The following FSTL4 variants were observed in gnomAD, a reference collection of about 807,000 sequenced individuals.
FSTL4 encodes the protein follistatin like 4, also known as follistatin-related protein 4.
Under a neutral mutation model 78.2 loss-of-function variants are expected in FSTL4, and 28 were observed. That is an observed-to-expected ratio of 0.36 (90% CI 0.27 to 0.49). The LOEUF is 0.49. Among genes scored for constraint, FSTL4 ranks in the 20% least tolerant of loss-of-function variants. The pLI, the probability that FSTL4 is intolerant of heterozygous loss-of-function variation, is 0.98. For synonymous variants in FSTL4, 422 were observed against 440.5 expected (o/e 0.96, Z 0.53); for missense variants, 922 against 1,084.9 (o/e 0.85, Z 2.11).
At chr5:133,251,164 C>G (rs1381055253) in intron 6 of FSTL4, among the ~76,000 whole-genome samples, 1 of 152,226 alleles carries the variant, frequency 6.6e-6, no homozygotes, top group East Asian at 1.9e-4. Flanking sequence ...AAGGCACTAA[C>G]TCTGTAGCAT....
the FSTL4 span, among the ~76,000 whole-genome samples, chr5:133,718,520 T>G: frequency 6.6e-6 from 1 of 152,276 alleles, no homozygotes; most frequent in African/African-American, 2.4e-5. Flanking sequence ...CTTTAGAGTT[T>G]AAATACATAT....
At chr5:133,396,962 GC>G (rs532605856) in intron 4 of FSTL4, among the ~76,000 whole-genome samples, 4 of 152,320 alleles carry the variant, frequency 2.6e-5, no homozygotes, top group Admixed American at 2.6e-4. Flanking sequence ...GGCTGAGGAA[GC>G]TGAAGGGGCC....
intron 4 of FSTL4, among the ~76,000 whole-genome samples, chr5:133,363,685 G>T (rs1755118363): frequency 1.3e-5 from 2 of 152,160 alleles, no homozygotes; most frequent in Admixed American, 1.3e-4. Flanking sequence ...TGGCAATACA[G>T]CCAGGATGAA....
At chr5:133,634,970 C>A in the FSTL4 span, among the ~76,000 whole-genome samples, 1 of 152,050 alleles carries the variant, frequency 6.6e-6, no homozygotes, top group Non-Finnish European at 1.5e-5. Flanking sequence ...AAACAATAGA[C>A]TCCAGACAAT....
chr5:133,830,529 G>C, the FSTL4 span, among the ~76,000 whole-genome samples: 2 of 152,202 alleles, frequency 1.3e-5, no homozygotes, highest in Non-Finnish European at 2.9e-5. Context: ...CCAGGGAAGG[G>C]ACACAGAAGC....
chr5:133,337,391 A>G (rs977732912), intron 4 of FSTL4, among the ~76,000 whole-genome samples: 1 of 152,100 alleles, frequency 6.6e-6, no homozygotes, highest in Non-Finnish European at 1.5e-5. Context: ...ATGAGGTAGA[A>G]CTCACGGGGG....
chr5:133,475,951 C>T (rs565874009), intron 3 of FSTL4, among the ~76,000 whole-genome samples: 13 of 152,080 alleles, frequency 8.5e-5, no homozygotes, highest in South Asian at 4.2e-4. Flanking sequence ...GGAGTCTGGG[C>T]GAATAAGGCT....
rs1023559165 is a variant in FSTL4 at position 133,407,980 on chromosome 5, T to C, written c.161-6994A>G. On this transcript the variant is annotated intron_variant, in intron 3 of 15. Transcript: ENST00000265342. ...AGAAAGAAGGTTGGGATGAGATGCC[T>C]AGGCTAGGCACACAGTAGGTGAGTG... Among the ~76,000 whole-genome samples, 5 of 152,204 alleles carry C rather than the reference T, an allele frequency of 3.3e-5. No individual in the cohort carries two copies. In the South Asian group the frequency reaches 6.2e-4, roughly 19 times the overall value.
chr5:133,204,775 G>T (rs182057174), intron 14 of FSTL4, among the ~76,000 whole-genome samples: 267 of 150,404 alleles, frequency 1.8e-3, no homozygotes, highest in Non-Finnish European at 3.0e-3. Flanking sequence ...AGAGGAGGTT[G>T]CAGTGAGCCA....
intron 6 of FSTL4, among the ~76,000 whole-genome samples, chr5:133,272,343 C>CCAG (rs1752785676): frequency 6.6e-6 from 1 of 152,216 alleles, no homozygotes; most frequent in African/African-American, 2.4e-5. Context: ...CATTGTTTGT[C>CCAG]TGTGGAAAAA....
chr5:133,523,599 G>T (rs181052422), intron 3 of FSTL4, among the ~76,000 whole-genome samples: 284 of 152,168 alleles, frequency 1.9e-3, no homozygotes, highest in Admixed American at 3.3e-3. Context: ...GTGAATCTTG[G>T]TTTTTTTTAA....
chr5:133,291,611 G>T (rs2126869099), intron 6 of FSTL4, among the ~76,000 whole-genome samples: 1 of 152,248 alleles, frequency 6.6e-6, no homozygotes. Context: ...TGGCCAAAAA[G>T]GTGGAGAGCA....
At chr5:133,268,869 G>T (rs973047814) in intron 6 of FSTL4, among the ~76,000 whole-genome samples, 2 of 152,112 alleles carry the variant, frequency 1.3e-5, no homozygotes, top group Non-Finnish European at 2.9e-5. Context: ...ATTATGTTTT[G>T]GTTTCAAATA....
chr5:133,682,511 A>T, the FSTL4 span, among the ~76,000 whole-genome samples: 3 of 152,242 alleles, frequency 2.0e-5, no homozygotes, highest in Non-Finnish European at 4.4e-5. Flanking sequence ...TATCTACTAC[A>T]GGAAAAGTCT....
At chr5:133,569,673 G>A (rs2112946360) in intron 2 of FSTL4, among the ~76,000 whole-genome samples, 1 of 152,188 alleles carries the variant, frequency 6.6e-6, no homozygotes, top group South Asian at 2.1e-4. Context: ...GGCATTTAAG[G>A]AGATAATCAT....
chr5:133,411,578 A>G (rs2126980146), intron 3 of FSTL4, among the ~76,000 whole-genome samples: 1 of 152,344 alleles, frequency 6.6e-6, no homozygotes, highest in South Asian at 2.1e-4. Flanking sequence ...ATACAGTAAT[A>G]ATTCCATTTA....
chr5:133,245,733 G>A (rs539667541), intron 7 of FSTL4, among the ~76,000 whole-genome samples: 11 of 152,186 alleles, frequency 7.2e-5, no homozygotes, highest in Non-Finnish European at 1.3e-4. Context: ...GGCCACACAC[G>A]ATTGGGTGAC....
the FSTL4 span, among the ~76,000 whole-genome samples, chr5:133,658,415 G>A: frequency 6.6e-6 from 1 of 151,858 alleles, no homozygotes; most frequent in African/African-American, 2.4e-5. Context: ...GAAATTTTTT[G>A]GAAAAAATGT....
At chr5:133,559,406 G>A (rs1437718272) in intron 3 of FSTL4, among the ~76,000 whole-genome samples, 1 of 152,210 alleles carries the variant, frequency 6.6e-6, no homozygotes, top group Non-Finnish European at 1.5e-5. Flanking sequence ...GGATCTGAGA[G>A]ATGAGGGTGA....
Sources: allele counts gnomAD v4.1 joint callset (sites outside exome capture counted in the v4.1 genomes callset), GRCh38; gene constraint gnomAD v4.1.1; transcripts MANE v1.5; gene names NCBI Gene and HGNC (gene_info 2026-07-23, HGNC 2026-07-21).